Variants in PRKN observed in about 807,000 individuals in gnomAD.
The protein encoded by PRKN is E3 ubiquitin-protein ligase parkin.
A neutral mutation model predicts 59.5 loss-of-function variants in PRKN; 56 were observed. The observed-to-expected ratio is 0.94, with a 90% confidence interval of 0.76 to 1.18. PRKN has a LOEUF of 1.18. Ranked by LOEUF, PRKN falls within the 50% of genes most tolerant of loss-of-function variation. The probability of loss-of-function intolerance (pLI) is 0.00; values close to 1 mark genes in which losing one functional copy is unlikely to be tolerated. For missense variants in PRKN, 657 were observed against 596.4 expected (o/e 1.10, Z -1.06); for synonymous variants, 250 against 222.1 (o/e 1.13, Z -1.12).
chr6:162,678,143 TTTA>T (rs1032694636), intron 1 of PRKN, among the ~76,000 whole-genome samples: 11 of 152,248 alleles, frequency 7.2e-5, no homozygotes, highest in African/African-American at 2.4e-4. Context: ...ATAATTCCCT[TTTA>T]TTGTTAAATA....
intron 4 of PRKN, among the ~76,000 whole-genome samples, chr6:162,127,222 C>T (rs903339815): frequency 7.9e-5 from 12 of 152,188 alleles, no homozygotes; most frequent in African/African-American, 2.2e-4. Flanking sequence ...GGCACGCTGC[C>T]GCTGTGACTA....
chr6:161,421,701 T>G (rs1583046324), intron 9 of PRKN, among the ~76,000 whole-genome samples: 1 of 148,758 alleles, frequency 6.7e-6, no homozygotes, highest in East Asian at 2.0e-4. Context: ...TAGGGAAAAA[T>G]TAAGGATAGT....
intron 3 of PRKN, among the ~76,000 whole-genome samples, chr6:162,213,801 CCATACACA>C (rs1421199232): frequency 7.1e-4 from 48 of 67,458 alleles, no homozygotes; most frequent in Non-Finnish European, 1.2e-3. Context: ...CAAAAAAAAA[CCATACACA>C]CACACACACA....
intron 1 of PRKN, among the ~76,000 whole-genome samples, chr6:162,720,866 C>G (rs767443845): frequency 4.6e-5 from 7 of 152,160 alleles, no homozygotes; most frequent in Non-Finnish European, 8.8e-5. Context: ...ACATTGTTCT[C>G]TCCACACAGA....
At chr6:161,906,655 C>CAT (rs1168847600) in intron 6 of PRKN, among the ~76,000 whole-genome samples, 1 of 90,540 alleles carries the variant, frequency 1.1e-5, no homozygotes, top group African/African-American at 5.0e-5. Flanking sequence ...TCTAATAGAA[C>CAT]ATACATATAT....
At chr6:161,872,167 G>A (rs1402899277) in intron 6 of PRKN, among the ~76,000 whole-genome samples, 1 of 152,102 alleles carries the variant, frequency 6.6e-6, no homozygotes. Context: ...GTAAGTGCAT[G>A]AGGAACTACA....
intron 4 of PRKN, among the ~76,000 whole-genome samples, chr6:162,129,899 A>G (rs1562530215): frequency 6.6e-6 from 1 of 152,158 alleles, no homozygotes; most frequent in Non-Finnish European, 1.5e-5. Flanking sequence ...AAAAACAGCT[A>G]GATTATAGAA....
At chr6:162,304,489 TTCTATCTATCTATCTA>T (rs6149895) in intron 2 of PRKN, among the ~76,000 whole-genome samples, 4,379 of 128,630 alleles carry the variant, frequency 0.034, 239 homozygotes, top group Non-Finnish European at 0.049. Context: ...ACTCATCCAG[TTCTATCTATCTATCTA>T]TCTATCTATC....
intron 1 of PRKN, among the ~76,000 whole-genome samples, chr6:162,566,672 C>T (rs1171125530): frequency 6.6e-6 from 1 of 152,126 alleles, no homozygotes; most frequent in Non-Finnish European, 1.5e-5. Flanking sequence ...AGCCCAGGAC[C>T]TGATGGCTTC....
chr6:162,630,486 A>C (rs191459171), intron 1 of PRKN, among the ~76,000 whole-genome samples: 1 of 152,288 alleles, frequency 6.6e-6, no homozygotes, highest in African/African-American at 2.4e-5. Context: ...CGTAATATAC[A>C]TTGGATGTGC....
intron 1 of PRKN, among the ~76,000 whole-genome samples, chr6:162,671,470 G>A (rs1482321717): frequency 6.8e-6 from 1 of 147,268 alleles, no homozygotes; most frequent in African/African-American, 2.5e-5. Context: ...CTGCACTCCA[G>A]GCTGGCAATA....
chr6:161,409,608 G>A lies in PRKN; in HGVS notation c.1084-22731C>T, dbSNP rs1490176818. Among the ~76,000 whole-genome samples the A allele has an allele frequency of 2.6e-5, 4 of 152,150 alleles. No individual in the cohort carries two copies. The highest frequency in any genetic ancestry group is 6.5e-5 in the Admixed American group (1 of 15,278). ...ATGTTCAGTGGAATCACATAAGGCCGTCACTATAAAAATGAAAGCAAGCCC... is the reference window on the plus strand; with the variant it reads ...ATGTTCAGTGGAATCACATAAGGCCATCACTATAAAAATGAAAGCAAGCCC... On this transcript the variant is annotated intron_variant, in intron 9 of 11. Transcript: ENST00000366898. The surrounding 1 kb of genome is among the most constrained non-coding windows in gnomAD (Gnocchi z 4.6).
chr6:161,763,069 A>C (rs976176545), intron 7 of PRKN, among the ~76,000 whole-genome samples: 3 of 152,214 alleles, frequency 2.0e-5, no homozygotes, highest in Non-Finnish European at 4.4e-5. Context: ...AGGAGAGTCA[A>C]CATTGTACTC....
chr6:161,352,898 G>A lies in PRKN; in HGVS notation c.1286-2687C>T, dbSNP rs1784618934. ...GGGTTCAAGCAATTCTCCTGCCTCA[G>A]CCTCTCGAGTAGTTGGAATTACAGG... is the stretch of plus-strand genomic sequence containing the variant. On this transcript the variant is annotated intron_variant, in intron 11 of 11. Transcript: ENST00000366898. The surrounding 1 kb of genome is among the most constrained non-coding windows in gnomAD (Gnocchi z 5.8). 6.6e-6 allele frequency among the ~76,000 whole-genome samples: 1 copy of A among 151,858 alleles called. No homozygotes were observed. The highest frequency in any genetic ancestry group is 2.1e-4 in the South Asian group (1 of 4,802).
chr6:162,276,332 AT>A (rs779319223), intron 2 of PRKN, among the ~76,000 whole-genome samples: 13 of 152,270 alleles, frequency 8.5e-5, no homozygotes, highest in Non-Finnish European at 1.6e-4. Context: ...ATACCATTAA[AT>A]TGATTACTAA....
intron 6 of PRKN, among the ~76,000 whole-genome samples, chr6:161,885,078 G>A (rs1795083471): frequency 6.7e-6 from 1 of 149,054 alleles, no homozygotes; most frequent in African/African-American, 2.5e-5. Flanking sequence ...TTAACTAGAA[G>A]CTTATTATAA....
rs1022155280 is a variant in PRKN at position 161,518,162 on chromosome 6, T to G, written c.1083+30692A>C. Reference sequence around the variant, plus strand: ...CGGGGGCACTCACTGCCTCCCTCACTGGCAGCTGGACAGTGACTCCACACC... The same window carrying G: ...CGGGGGCACTCACTGCCTCCCTCACGGGCAGCTGGACAGTGACTCCACACC... On this transcript the variant is annotated intron_variant, in intron 9 of 11. Transcript: ENST00000366898. This position sits in a 1 kb window ranked among gnomAD's most constrained non-coding sequence, Gnocchi z 5.0. Among the ~76,000 whole-genome samples, 1 of 152,092 alleles carries G rather than the reference T, an allele frequency of 6.6e-6. No individual in the cohort carries two copies. Among genetic ancestry groups the G allele is most frequent in the African/African-American group, 2.4e-5 (1 of 41,400 alleles).
intron 6 of PRKN, among the ~76,000 whole-genome samples, chr6:161,812,033 C>G (rs1791584978): frequency 6.6e-6 from 1 of 151,366 alleles, no homozygotes; most frequent in Non-Finnish European, 1.5e-5. Flanking sequence ...TAAGATAAAC[C>G]AAAAAATGAA....
chr6:161,881,520 G>C (rs756779997), intron 6 of PRKN, among the ~76,000 whole-genome samples: 3 of 152,178 alleles, frequency 2.0e-5, no homozygotes, highest in African/African-American at 4.8e-5. Context: ...CTGCAAATAT[G>C]CATTCCCTCC....
Sources: gnomAD v4.1 joint callset for allele counts (sites outside exome capture counted in the v4.1 genomes callset) on GRCh38, gnomAD v4.1.1 for gene constraint, Gnocchi (gnomAD v3.1) non-coding constraint, MANE v1.5 for transcripts, NCBI Gene and HGNC (gene_info 2026-07-23, HGNC 2026-07-21) for gene names.